Variants in DENND5B observed in about 807,000 individuals in gnomAD.
The protein encoded by DENND5B is DENN domain-containing protein 5B.
DENND5B carries 34 observed loss-of-function variants against 140.6 expected under a neutral mutation model. The ratio of observed to expected loss-of-function variants is 0.24; its 90% CI spans 0.18 to 0.32. DENND5B has a LOEUF of 0.32. Among genes scored for constraint, DENND5B ranks in the 10% least tolerant of loss-of-function variants. The probability of loss-of-function intolerance (pLI) is 1.00; values close to 1 mark genes in which losing one functional copy is unlikely to be tolerated. For missense variants in DENND5B, 1,142 were observed against 1,560.2 expected, an observed-to-expected ratio of 0.73 and a Z score of 4.52; for synonymous variants, 551 against 562.1, an observed-to-expected ratio of 0.98 and a Z score of 0.28.
At chr12:31,414,071 C>T (rs1337853851) in intron 12 of DENND5B, among the ~76,000 whole-genome samples, 1 of 152,166 alleles carries the variant, frequency 6.6e-6, no homozygotes, top group Admixed American at 6.6e-5. Flanking sequence ...AGCCAGACTG[C>T]ATTGATAATC....
At chr12:31,474,258 G>A (rs2138459577) in intron 3 of DENND5B, among the ~76,000 whole-genome samples, 1 of 149,590 alleles carries the variant, frequency 6.7e-6, no homozygotes, top group East Asian at 1.9e-4. Flanking sequence ...GCCCAAAAAT[G>A]TTTCTTAGAC....
intron 1 of DENND5B, among the ~76,000 whole-genome samples, chr12:31,589,518 GGTTGATGGGGA>G (rs752123819): frequency 6.6e-6 from 1 of 152,030 alleles, no homozygotes; most frequent in Non-Finnish European, 1.5e-5. Flanking sequence ...CCAAGACGTG[GGTTGATGGGGA>G]CTGTATTTTA....
chr12:31,578,795 G>A (rs1013434226), intron 1 of DENND5B, among the ~76,000 whole-genome samples: 1 of 152,206 alleles, frequency 6.6e-6, no homozygotes, highest in Non-Finnish European at 1.5e-5. Context: ...TAGGAAAAAA[G>A]GCTAGTTTGC....
chr12:31,387,609 A>T lies in DENND5B; in HGVS notation c.3819T>A (p.Asp1273Glu), dbSNP rs765402067. Residue 1273 changes from aspartate (D) to glutamate (E), a missense_variant, in exon 21 of 21, where the codon GAT becomes GAA. Transcript: ENST00000389082. ...VLEGSLIKGV[D>E]V ...GAGTTTCTAGCCAGTTGGGTTACACATCCACTCCTTTGATGAGTGATCCTT... is the reference window on the plus strand; with the variant it reads ...GAGTTTCTAGCCAGTTGGGTTACACTTCCACTCCTTTGATGAGTGATCCTT... 5 of 1,613,384 alleles carry T rather than the reference A, an allele frequency of 3.1e-6. No individual in the cohort carries two copies. In the South Asian group the frequency reaches 5.5e-5, roughly 18 times the overall value.
At position 31,457,749 on chromosome 12, in the gene DENND5B, T is replaced by G. The variant is rs892008483; in HGVS notation, c.1092+2445A>C. Among the ~76,000 whole-genome samples, 6 of 152,006 alleles carry G rather than the reference T, an allele frequency of 3.9e-5. No homozygotes were observed. The East Asian group carries it at 1.2e-3, about 29-fold the overall frequency. On this transcript the variant is annotated intron_variant, in intron 4 of 20. Transcript: ENST00000389082. ...TTTTTTTTGAGATGGAGTCTCGCTC[T>G]GTCGCCCAGGCTGGAGTGCAGTGAT...
chr12:31,389,495 T>C lies in DENND5B; in HGVS notation c.3470A>G (p.Lys1157Arg). 2 of 1,577,574 alleles carry C rather than the reference T, an allele frequency of 1.3e-6. No individual in the cohort carries two copies. The highest frequency in any genetic ancestry group is 1.7e-6 in the Non-Finnish European group (2 of 1,160,390). Residue 1157 changes from lysine (K) to arginine (R), a missense_variant, in exon 20 of 21, where the codon AAA becomes AGA. By Grantham distance (26) the Lys-to-Arg change is conservative. This residue lies in a region of DENND5B where 125 missense variants were observed against 179.0 expected (regional missense o/e 0.70). Coordinates refer to ENST00000389082, the MANE Select transcript of DENND5B (RefSeq NM_144973.4). ...KNVFIWDFIEKVVAYFETTDQ... is the reference protein window; with the variant it reads ...KNVFIWDFIERVVAYFETTDQ... Reference sequence around the variant, plus strand: ...AGTTGTTTCAAAATAAGCAACCACTTTCTCTGAGGAAAAAAGTCAGAATTA... The same window carrying C: ...AGTTGTTTCAAAATAAGCAACCACTCTCTCTGAGGAAAAAAGTCAGAATTA...
chr12:31,590,839 C>G lies in DENND5B; in HGVS notation c.-7G>C, dbSNP rs1332426425. The G allele has an allele frequency of 1.6e-6, 2 of 1,231,548 alleles. No individual in the cohort carries two copies. Among genetic ancestry groups the G allele is most frequent in the Non-Finnish European group, 2.0e-6 (2 of 990,912 alleles). The allele number at this position is 1,231,548 out of a possible 1,614,324, so 76.3% of individuals were successfully genotyped here. On this transcript the variant is annotated 5_prime_UTR_variant, in exon 1 of 21. Transcript: ENST00000389082. ...CCGCGCAGCTCCCGCTCATCCCGGC[C>G]GCGCTGCTCCAGGGGCCGCCGCCGC...
chr12:31,558,172 C>T (rs1203369031), intron 1 of DENND5B, among the ~76,000 whole-genome samples: 4 of 152,190 alleles, frequency 2.6e-5, no homozygotes, highest in South Asian at 4.1e-4. Flanking sequence ...ATAATGTAGA[C>T]GTGTATCAAA....
chr12:31,479,010 C>A lies in DENND5B; in HGVS notation c.904+579G>T, dbSNP rs899318809. Among the ~76,000 whole-genome samples the A allele has an allele frequency of 5.5e-4, 84 of 152,118 alleles. 1 individual carries two copies. The highest frequency in any genetic ancestry group is 2.0e-3 in the African/African-American group (81 of 41,402). ...AAAAACATAAACAAAAAACCACACA[C>A]ACACACACACAACTCTGGCAGAACT... On this transcript the variant is annotated intron_variant, in intron 3 of 20. Coordinates refer to ENST00000389082, the MANE Select transcript of DENND5B (RefSeq NM_144973.4).
At chr12:31,468,669 G>C (rs113413949) in intron 3 of DENND5B, among the ~76,000 whole-genome samples, 3 of 151,616 alleles carry the variant, frequency 2.0e-5, no homozygotes, top group African/African-American at 7.3e-5. Context: ...AAATTAGCCA[G>C]GCATGGTGGC....
chr12:31,438,564 A>C (rs369337510), intron 7 of DENND5B, among the ~76,000 whole-genome samples: 2 of 152,054 alleles, frequency 1.3e-5, no homozygotes, highest in South Asian at 4.1e-4. Flanking sequence ...AAAGGATACA[A>C]AAAGAATCGG....
intron 4 of DENND5B, among the ~76,000 whole-genome samples, chr12:31,458,738 T>C (rs981250535): frequency 2.0e-5 from 3 of 152,140 alleles, no homozygotes; most frequent in African/African-American, 4.8e-5. Context: ...AGAATCTCTA[T>C]GGGAAATAAG....
chr12:31,545,947 TCTC>T (rs1948839871), intron 1 of DENND5B, among the ~76,000 whole-genome samples: 1 of 5,930 alleles, frequency 1.7e-4, no homozygotes, highest in Non-Finnish European at 2.3e-4. Context: ...TAAGACACTG[TCTC>T]AAAAAAAAAA....
At chr12:31,431,524 C>T (rs980167537) in intron 8 of DENND5B, among the ~76,000 whole-genome samples, 2 of 152,164 alleles carry the variant, frequency 1.3e-5, no homozygotes, top group African/African-American at 2.4e-5. Context: ...TCAATTTAAT[C>T]ATGTCAAATT....
intron 1 of DENND5B, among the ~76,000 whole-genome samples, chr12:31,571,018 AGCATTCTCC>A (rs1650822227): frequency 6.6e-6 from 1 of 152,120 alleles, no homozygotes; most frequent in South Asian, 2.1e-4. Flanking sequence ...GGAAACTGCA[AGCATTCTCC>A]GCATTCTCGG....
intron 1 of DENND5B, among the ~76,000 whole-genome samples, chr12:31,545,440 A>G (rs570819709): frequency 6.6e-6 from 1 of 152,236 alleles, no homozygotes; most frequent in African/African-American, 2.4e-5. Context: ...CTTTATGTCT[A>G]TGAGTACCCA....
intron 2 of DENND5B, among the ~76,000 whole-genome samples, chr12:31,491,028 T>C (rs1377131666): frequency 1.3e-5 from 2 of 152,228 alleles, no homozygotes; most frequent in Admixed American, 6.5e-5. Flanking sequence ...GTTTTCTTCC[T>C]ATGAATTCTT....
intron 1 of DENND5B, among the ~76,000 whole-genome samples, chr12:31,559,374 T>G (rs1284709139): frequency 6.6e-6 from 1 of 152,200 alleles, no homozygotes; most frequent in African/African-American, 2.4e-5. Context: ...TTCAAAGTAT[T>G]GGCAAGGATG....
intron 1 of DENND5B, among the ~76,000 whole-genome samples, chr12:31,575,205 A>G (rs1389683860): frequency 6.6e-6 from 1 of 152,266 alleles, no homozygotes; most frequent in Non-Finnish European, 1.5e-5. Flanking sequence ...GAAGTTGAGG[A>G]TAACTTAACC....
Sources: allele counts gnomAD v4.1 joint callset (sites outside exome capture counted in the v4.1 genomes callset), GRCh38; gene constraint gnomAD v4.1.1; regional missense constraint gnomAD v4.1.1; transcripts MANE v1.5; gene names NCBI Gene and HGNC (gene_info 2026-07-23, HGNC 2026-07-21).